The following TTC7B variants were observed in gnomAD, a reference collection of about 807,000 sequenced individuals.
The protein encoded by TTC7B is tetratricopeptide repeat protein 7B.
TTC7B carries 28 observed loss-of-function variants against 106.8 expected under a neutral mutation model. The ratio of observed to expected loss-of-function variants is 0.26; its 90% CI spans 0.19 to 0.36. The LOEUF is 0.36. Ranked by LOEUF, TTC7B falls within the 10% of genes least tolerant of loss-of-function variation. TTC7B has a pLI of 1.00. For synonymous variants in TTC7B, 405 were observed against 430.6 expected, an observed-to-expected ratio of 0.94 and a Z score of 0.74; for missense variants, 862 against 1,076.4, an observed-to-expected ratio of 0.80 and a Z score of 2.79.
At chr14:90,724,856 G>A (rs1445713589) in intron 5 of TTC7B, among the ~76,000 whole-genome samples, 10 of 152,268 alleles carry the variant, frequency 6.6e-5, no homozygotes, top group East Asian at 1.9e-4. Flanking sequence ...GACCCTACTC[G>A]AATGCATGAA....
Position 90,730,423 on chromosome 14 carries a change from G to C in TTC7B, c.577-227C>G, listed in dbSNP as rs146975525. ...GGGCACACAGGGCCCTCCTGGTACC[G>C]AAAGCTGAGGAGTCGGGGGTGCTGA... On this transcript the variant is annotated intron_variant, in intron 4 of 19. Coordinates refer to ENST00000328459, the MANE Select transcript of TTC7B (RefSeq NM_001010854.2). Among the ~76,000 whole-genome samples the C allele has an allele frequency of 6.5e-3, 997 of 152,306 alleles. 10 individuals are homozygous for C. Among genetic ancestry groups the C allele is most frequent in the African/African-American group, 0.023 (947 of 41,560 alleles).
rs1303377268 is a variant in TTC7B at position 90,786,167 on chromosome 14, A to G, written c.276+7T>C. The G allele has an allele frequency of 6.5e-7, 1 of 1,532,714 alleles. No individual in the cohort carries two copies. The highest frequency in any genetic ancestry group is 1.4e-5 in the African/African-American group (1 of 71,636). The allele number at this position is 1,532,714 out of a possible 1,614,324, so 94.9% of individuals were successfully genotyped here. On this transcript the variant is annotated splice_region_variant and intron_variant, in intron 2 of 19. Transcript: ENST00000328459. The stretch of plus-strand genomic sequence containing the variant: ...AAGTGTCGCCTCAGCCCAGAGGCCC[A>G]TGGTACCTTAAGGTTCCCTCGGTCC...
chr14:90,564,657 C>T (rs1307260673), intron 19 of TTC7B, among the ~76,000 whole-genome samples: 1 of 152,160 alleles, frequency 6.6e-6, no homozygotes, highest in African/African-American at 2.4e-5. Flanking sequence ...CCTGTAATTT[C>T]AACACTTTTG....
intron 7 of TTC7B, among the ~76,000 whole-genome samples, chr14:90,686,140 T>C (rs1437501618): frequency 1.3e-5 from 2 of 152,156 alleles, no homozygotes; most frequent in East Asian, 1.9e-4. Context: ...AAGGAGTATA[T>C]ACCATGACTT....
chr14:90,738,330 C>T (rs980405065), intron 4 of TTC7B, among the ~76,000 whole-genome samples: 2 of 152,082 alleles, frequency 1.3e-5, no homozygotes, highest in Non-Finnish European at 2.9e-5. Context: ...TTAGTAGAGG[C>T]CGGGCACGGT....
intron 3 of TTC7B, among the ~76,000 whole-genome samples, chr14:90,754,824 G>A (rs555933277): frequency 4.4e-4 from 67 of 152,244 alleles, no homozygotes; most frequent in African/African-American, 1.6e-3. Context: ...AAATGAAATT[G>A]TAAGGTATGT....
chr14:90,628,507 A>AGAAT (rs1315403501), intron 15 of TTC7B, among the ~76,000 whole-genome samples: 3 of 152,368 alleles, frequency 2.0e-5, no homozygotes, highest in East Asian at 3.9e-4. Flanking sequence ...AGATGCCAGA[A>AGAAT]GAATGGGAAT....
At chr14:90,756,256 A>G (rs542559099) in intron 3 of TTC7B, among the ~76,000 whole-genome samples, 1 of 152,334 alleles carries the variant, frequency 6.6e-6, no homozygotes, top group East Asian at 1.9e-4. Flanking sequence ...AACTGCGGGC[A>G]GCACTCTGGG....
chr14:90,679,665 G>A (rs1163863841), intron 8 of TTC7B, among the ~76,000 whole-genome samples: 1 of 152,114 alleles, frequency 6.6e-6, no homozygotes, highest in African/African-American at 2.4e-5. Context: ...TTGATTCCAG[G>A]AGCCCACCCA....
rs1889275517 is a variant in TTC7B at position 90,730,270 on chromosome 14, T to G, written c.577-74A>C. 54 of 1,517,198 alleles carry G rather than the reference T, an allele frequency of 3.6e-5. 2 individuals carry two copies. The South Asian group carries it at 6.5e-4, about 18-fold the overall frequency. 94.0% of individuals were successfully genotyped at this position (1,517,198 alleles called of 1,614,324 possible). On this transcript the variant is annotated intron_variant, in intron 4 of 19. Transcript: ENST00000328459. ...ACTTCCTTCAAACCCTATCTCTAAA[T>G]GTACTGCTCGACCTAAAAAACCAAC...
At chr14:90,692,404 C>G (rs1197376855) in intron 6 of TTC7B, among the ~76,000 whole-genome samples, 1 of 152,158 alleles carries the variant, frequency 6.6e-6, no homozygotes, top group Non-Finnish European at 1.5e-5. Flanking sequence ...TACAAAGCAA[C>G]TTTTCCATCT....
At chr14:90,787,489 G>A (rs1324270611) in intron 1 of TTC7B, among the ~76,000 whole-genome samples, 1 of 152,178 alleles carries the variant, frequency 6.6e-6, no homozygotes, top group African/African-American at 2.4e-5. Context: ...TGCTGGGGAG[G>A]GGACCTCAAC....
chr14:90,721,152 C>G (rs577984412), intron 5 of TTC7B, among the ~76,000 whole-genome samples: 1 of 152,250 alleles, frequency 6.6e-6, no homozygotes, highest in South Asian at 2.1e-4. Flanking sequence ...ATGCCAATCA[C>G]TAACCTCCTC....
Position 90,805,527 on chromosome 14 carries a change from A to C in TTC7B, c.121+10648T>G, listed in dbSNP as rs955536418. Among the ~76,000 whole-genome samples, 3 of 152,178 alleles carry C rather than the reference A, an allele frequency of 2.0e-5. No individual in the cohort carries two copies. The highest frequency in any genetic ancestry group is 7.2e-5 in the African/African-American group (3 of 41,442). The stretch of plus-strand genomic sequence containing the variant: ...GGGATCTACCCACCGTGGCCTCCCA[A>C]ACTGCTGGGATTGCAGGCATGAGCC... On this transcript the variant is annotated intron_variant, in intron 1 of 19. Transcript: ENST00000328459. The surrounding 1 kb of genome is among the most constrained non-coding windows in gnomAD (Gnocchi z 4.0).
At chr14:90,730,468 G>T (rs565023989) in intron 4 of TTC7B, among the ~76,000 whole-genome samples, 1 of 152,356 alleles carries the variant, frequency 6.6e-6, no homozygotes, top group South Asian at 2.1e-4. Context: ...GGTGCTGTAA[G>T]AAGCACTAGA....
At position 90,732,630 on chromosome 14, in the gene TTC7B, G is replaced by A. The variant is rs182846092; in HGVS notation, c.577-2434C>T. 7.9e-5 allele frequency among the ~76,000 whole-genome samples: 12 copies of A among 152,174 alleles called. No homozygotes were observed. The East Asian group carries it at 1.4e-3, about 17-fold the overall frequency. On this transcript the variant is annotated intron_variant, in intron 4 of 19. Coordinates refer to ENST00000328459, the MANE Select transcript of TTC7B (RefSeq NM_001010854.2). ...TGAGCTCAAGAAATCCAACTGCCTCGGCCTGCCAAAGTGCTGAGATTACAG... is the reference window on the plus strand; with the variant it reads ...TGAGCTCAAGAAATCCAACTGCCTCAGCCTGCCAAAGTGCTGAGATTACAG...
At chr14:90,612,492 C>T (rs1042807182) in intron 16 of TTC7B, among the ~76,000 whole-genome samples, 8 of 152,264 alleles carry the variant, frequency 5.3e-5, no homozygotes, top group East Asian at 3.9e-4. Context: ...GATGAGGTAT[C>T]GGCATTGCAA....
At chr14:90,737,555 T>TG (rs1889589445) in intron 4 of TTC7B, among the ~76,000 whole-genome samples, 1 of 140,430 alleles carries the variant, frequency 7.1e-6, no homozygotes, top group Non-Finnish European at 1.6e-5. Context: ...TGTTTTTTTT[T>TG]TTTTTTTTTT....
chr14:90,745,088 T>C (rs575020936), intron 3 of TTC7B, among the ~76,000 whole-genome samples, 166 bp from the exon 4 acceptor site: 22 of 152,278 alleles, frequency 1.4e-4, no homozygotes, highest in African/African-American at 5.3e-4. Context: ...TTTCTATTGA[T>C]TGCCTTATTG....
Sources: allele counts gnomAD v4.1 joint callset (sites outside exome capture counted in the v4.1 genomes callset), GRCh38; gene constraint gnomAD v4.1.1; non-coding constraint Gnocchi (gnomAD v3.1); transcripts MANE v1.5; gene names NCBI Gene and HGNC (gene_info 2026-07-23, HGNC 2026-07-21).